The following NUP93 variants were observed in gnomAD, a reference collection of about 807,000 sequenced individuals.
NUP93 encodes the protein nuclear pore complex protein Nup93.
Under a neutral mutation model 107.8 loss-of-function variants are expected in NUP93, and 55 were observed. That is an observed-to-expected ratio of 0.51 (90% confidence interval 0.41 to 0.64). The LOEUF (loss-of-function observed/expected upper bound fraction) is 0.64. NUP93 is among the 30% of genes least tolerant of loss of function. The probability of loss-of-function intolerance (pLI) is 0.00; values close to 1 mark genes in which losing one functional copy is unlikely to be tolerated. For missense variants in NUP93, 937 were observed against 1,044.7 expected, an observed-to-expected ratio of 0.90 and a Z score of 1.42; for synonymous variants, 390 against 397.5, an observed-to-expected ratio of 0.98 and a Z score of 0.22.
intron 3 of NUP93, among the ~76,000 whole-genome samples, chr16:56,789,651 T>C (rs1296358644): frequency 2.6e-5 from 4 of 152,238 alleles, no homozygotes; most frequent in African/African-American, 9.6e-5. Context: ...TTTGCATAAA[T>C]GCACAGCAAG....
chr16:56,808,757 TA>T (rs1213378002), intron 5 of NUP93, among the ~76,000 whole-genome samples: 2 of 142,574 alleles, frequency 1.4e-5, no homozygotes, highest in South Asian at 2.1e-4. Context: ...TATAAATATA[TA>T]AAAATACATA....
At chr16:56,788,568 C>G (rs1370173739) in intron 3 of NUP93, among the ~76,000 whole-genome samples, 1 of 152,240 alleles carries the variant, frequency 6.6e-6, no homozygotes, top group Non-Finnish European at 1.5e-5. Context: ...CAGAGCCCTT[C>G]AGTAACTGAG....
At chr16:56,742,171 T>G (rs1159237717) in intron 1 of NUP93, among the ~76,000 whole-genome samples, 1 of 152,192 alleles carries the variant, frequency 6.6e-6, no homozygotes, top group African/African-American at 2.4e-5. Flanking sequence ...CAAAACAGAT[T>G]TCTTCCCCAA....
At chr16:56,832,460 G>A (rs1963815743) in intron 12 of NUP93, 72 bp downstream of exon 12, 6 of 1,252,246 alleles carry the variant, frequency 4.8e-6, no homozygotes, top group Non-Finnish European at 7.0e-6. Context: ...TTTCCTCTGG[G>A]AAAATTTTTC....
chr16:56,808,579 AAT>A (rs1963227872), intron 5 of NUP93, among the ~76,000 whole-genome samples: 1 of 126,316 alleles, frequency 7.9e-6, no homozygotes, highest in Non-Finnish European at 1.6e-5. Flanking sequence ...CATTTATATA[AAT>A]ATTTATAAAT....
intron 3 of NUP93, among the ~76,000 whole-genome samples, chr16:56,763,177 A>G (rs1450830631): frequency 1.3e-5 from 2 of 152,220 alleles, no homozygotes; most frequent in Non-Finnish European, 2.9e-5. Flanking sequence ...CATGGGCAGT[A>G]TTGGGATAAG....
intron 3 of NUP93, among the ~76,000 whole-genome samples, chr16:56,786,280 A>G (rs958233396): frequency 4.6e-5 from 7 of 152,158 alleles, no homozygotes; most frequent in Non-Finnish European, 7.3e-5. Flanking sequence ...GTTTAGTGCA[A>G]TCAGCTCATG....
rs1331950711 is a variant in NUP93, at chr16:56,827,095, T to A, written c.795-1882T>A. 2.0e-5 allele frequency among the ~76,000 whole-genome samples: 3 copies of A among 147,308 alleles called. No homozygotes were observed. In the East Asian group the frequency reaches 5.8e-4, roughly 29 times the overall value. ...TTTTGTTGAGTCTGTTTCCTGTTATTAAGATTTAGGTTGTTTTACTCTCTC... is the reference window on the plus strand; with the variant it reads ...TTTTGTTGAGTCTGTTTCCTGTTATAAAGATTTAGGTTGTTTTACTCTCTC... On this transcript the variant is annotated intron_variant, in intron 8 of 21. Coordinates refer to ENST00000308159, the MANE Select transcript of NUP93 (RefSeq NM_014669.5).
At chr16:56,747,563 A>G (rs140933635) in intron 1 of NUP93, among the ~76,000 whole-genome samples, 25 of 152,300 alleles carry the variant, frequency 1.6e-4, no homozygotes, top group South Asian at 4.1e-4. Flanking sequence ...AAAAAAAAAA[A>G]AAGAAGAATT....
chr16:56,775,830 C>T (rs1437164509), intron 3 of NUP93, among the ~76,000 whole-genome samples: 1 of 152,182 alleles, frequency 6.6e-6, no homozygotes, highest in Non-Finnish European at 1.5e-5. Context: ...GCCACCCCTC[C>T]CTTGCCATGG....
chr16:56,773,235 T>A (rs1287670461), intron 3 of NUP93, among the ~76,000 whole-genome samples: 1 of 152,260 alleles, frequency 6.6e-6, no homozygotes, highest in South Asian at 2.1e-4. Context: ...AGACATTTGG[T>A]TGCGTTTCTT....
chr16:56,814,934 G>A (rs925699785), intron 5 of NUP93, among the ~76,000 whole-genome samples: 2 of 152,106 alleles, frequency 1.3e-5, no homozygotes, highest in Admixed American at 6.6e-5. Flanking sequence ...AATATTTGCC[G>A]GTTCCTCTGT....
intron 3 of NUP93, among the ~76,000 whole-genome samples, chr16:56,764,207 A>G (rs1384585381): frequency 2.6e-5 from 4 of 152,192 alleles, no homozygotes; most frequent in Non-Finnish European, 5.9e-5. Flanking sequence ...AAATGAATCA[A>G]TGGCCGGATG....
At chr16:56,763,267 T>C (rs1034353312) in intron 3 of NUP93, among the ~76,000 whole-genome samples, 2 of 152,226 alleles carry the variant, frequency 1.3e-5, no homozygotes, top group Non-Finnish European at 2.9e-5. Context: ...TTTGAGCCTT[T>C]GGGAAATGAG....
intron 3 of NUP93, among the ~76,000 whole-genome samples, chr16:56,771,013 T>C (rs1485180282): frequency 6.6e-6 from 1 of 152,188 alleles, no homozygotes; most frequent in Non-Finnish European, 1.5e-5. Context: ...AAAGCTTCCT[T>C]ATGTGCTAAA....
chr16:56,790,761 T>C (rs1226466806), intron 3 of NUP93, among the ~76,000 whole-genome samples: 1 of 152,200 alleles, frequency 6.6e-6, no homozygotes, highest in Non-Finnish European at 1.5e-5. Context: ...ACTTCTCCAT[T>C]GCACTAACTA....
intron 3 of NUP93, among the ~76,000 whole-genome samples, chr16:56,786,505 G>A (rs533585764): frequency 3.5e-4 from 54 of 152,318 alleles, no homozygotes; most frequent in Middle Eastern, 3.4e-3. Context: ...AGTCTGTCTT[G>A]TCTTTGCCTT....
chr16:56,818,555 G>C, intron 5 of NUP93, 109 bp from the exon 6 acceptor site: 1 of 877,834 alleles, frequency 1.1e-6, no homozygotes, highest in Non-Finnish European at 1.8e-6. Flanking sequence ...CTAGGAAACA[G>C]ACTTTTCACA....
At chr16:56,782,188 G>T (rs1227276369) in intron 3 of NUP93, 2 of 985,342 alleles carry the variant, frequency 2.0e-6, no homozygotes, top group African/African-American at 3.5e-5. Context: ...CGACCGTTCT[G>T]TAACTCCTTA....
Sources: allele counts gnomAD v4.1 joint callset (sites outside exome capture counted in the v4.1 genomes callset), GRCh38; gene constraint gnomAD v4.1.1; transcripts MANE v1.5; gene names NCBI Gene and HGNC (gene_info 2026-07-23, HGNC 2026-07-21).